The following SPDYE10 variants were observed in gnomAD, a reference collection of about 807,000 sequenced individuals.
SPDYE10 encodes the protein speedy/RINGO cell cycle regulator family member E10, also known as speedy protein E10.
the SPDYE10 span, among the ~76,000 whole-genome samples, chr7:73,149,015 C>CT: frequency 6.6e-6 from 1 of 151,340 alleles, no homozygotes; most frequent in East Asian, 1.9e-4. Context: ...GGTTCTCACT[C>CT]TGTCACCCAG....
the SPDYE10 span, among the ~76,000 whole-genome samples, chr7:73,138,155 T>C: frequency 0.18 from 23,044 of 127,790 alleles, 23 homozygotes; most frequent in African/African-American, 0.33. Context: ...TTTAGGCCAC[T>C]TGACAAACAC....
the SPDYE10 span, among the ~76,000 whole-genome samples, chr7:73,116,974 T>C: frequency 7.9e-5 from 12 of 151,920 alleles, no homozygotes; most frequent in African/African-American, 2.4e-4. Flanking sequence ...CGTCTCACTA[T>C]AACCTCCACC....
At chr7:73,141,081 C>T in the SPDYE10 span, among the ~76,000 whole-genome samples, 1 of 149,132 alleles carries the variant, frequency 6.7e-6, no homozygotes, top group Non-Finnish European at 1.5e-5. Flanking sequence ...CACACACACA[C>T]ACACACACAC....
chr7:73,118,150 CAAAAAAAAA>C, the SPDYE10 span, among the ~76,000 whole-genome samples: 1 of 6,206 alleles, frequency 1.6e-4, no homozygotes, highest in Non-Finnish European at 2.5e-4. Context: ...GACTCTCTGT[CAAAAAAAAA>C]AAAAAAAAAA....
the SPDYE10 span, among the ~76,000 whole-genome samples, chr7:73,123,788 C>CCTCTCCCTCTCTCTCT: frequency 1.0e-5 from 1 of 97,458 alleles, no homozygotes. Flanking sequence ...TCTCTCTCTC[C>CCTCTCCCTCTCTCTCT]CTCTCTCTCT....
the SPDYE10 span, among the ~76,000 whole-genome samples, chr7:73,154,375 T>C: frequency 3.5e-4 from 51 of 147,628 alleles, no homozygotes; most frequent in Non-Finnish European, 3.0e-4. Flanking sequence ...TTCCTGCAGC[T>C]TGGAAGGCCT....
the SPDYE10 span, among the ~76,000 whole-genome samples, chr7:73,142,980 GAGGAAGGAAGGAAGGA>G: frequency 3.9e-3 from 365 of 93,654 alleles, no homozygotes; most frequent in Middle Eastern, 0.013. Context: ...GGGAGGGAGG[GAGGAAGGAAGGAAGGA>G]AGGAAGGAAG....
At chr7:73,137,701 G>A in the SPDYE10 span, among the ~76,000 whole-genome samples, 6 of 46,408 alleles carry the variant, frequency 1.3e-4, no homozygotes, top group African/African-American at 6.0e-4. Flanking sequence ...GAGGGGAAGG[G>A]AAAGGGAGGG....
At chr7:73,113,820 G>T in the SPDYE10 span, among the ~76,000 whole-genome samples, 2 of 151,994 alleles carry the variant, frequency 1.3e-5, no homozygotes, top group African/African-American at 4.8e-5. Flanking sequence ...TGGATCACGA[G>T]ATCAGGAGAT....
At chr7:73,149,461 G>C in the SPDYE10 span, among the ~76,000 whole-genome samples, 2 of 140,788 alleles carry the variant, frequency 1.4e-5, no homozygotes, top group Non-Finnish European at 3.1e-5. Flanking sequence ...CTAATTTTTT[G>C]TATTTTCAGT....
the SPDYE10 span, among the ~76,000 whole-genome samples, chr7:73,146,856 AT>A: frequency 1.1e-5 from 1 of 93,136 alleles, no homozygotes; most frequent in Admixed American, 1.3e-4. Flanking sequence ...TATAATCAAT[AT>A]TTTTAAATTA....
At chr7:73,150,907 A>AAT in the SPDYE10 span, among the ~76,000 whole-genome samples, 1 of 11,576 alleles carries the variant, frequency 8.6e-5, no homozygotes, top group Non-Finnish European at 1.4e-4. Flanking sequence ...AAAAAAAAAA[A>AAT]ATATATATAT....
chr7:73,120,853 CAG>C, the SPDYE10 span, among the ~76,000 whole-genome samples: 6 of 149,958 alleles, frequency 4.0e-5, no homozygotes, highest in Non-Finnish European at 5.9e-5. Context: ...TTTTTTGAGA[CAG>C]AGTTTCACTG....
the SPDYE10 span, among the ~76,000 whole-genome samples, chr7:73,137,632 A>C: frequency 7.4e-6 from 1 of 135,582 alleles, no homozygotes; most frequent in Non-Finnish European, 1.6e-5. Context: ...GAAAGAAAGA[A>C]AGAAAGAAAG....
chr7:73,137,593 TGAAAGAAAGAAAGAAAGAAAGAAA>T, the SPDYE10 span, among the ~76,000 whole-genome samples: 22 of 70,544 alleles, frequency 3.1e-4, no homozygotes, highest in African/African-American at 1.4e-3. Context: ...AAAGAAGAGA[TGAAAGAAAGAAAGAAAGAAAGAAA>T]GAAAGAAAGA....
At chr7:73,127,410 T>A in the SPDYE10 span, among the ~76,000 whole-genome samples, 1 of 119,076 alleles carries the variant, frequency 8.4e-6, no homozygotes. Flanking sequence ...AAAAAAAAAA[T>A]TAGCCAGGCA....
chr7:73,135,528 T>TA, the SPDYE10 span, among the ~76,000 whole-genome samples: 330 of 131,606 alleles, frequency 2.5e-3, no homozygotes, highest in African/African-American at 8.5e-3. Context: ...TTCTTTCTTT[T>TA]CTTTTTTTTT....
the SPDYE10 span, among the ~76,000 whole-genome samples, chr7:73,121,196 ACT>A: frequency 6.9e-6 from 1 of 145,262 alleles, no homozygotes; most frequent in East Asian, 2.0e-4. Context: ...CCTTCCAACA[ACT>A]CTATAGGGTG....
At chr7:73,115,257 C>T in the SPDYE10 span, among the ~76,000 whole-genome samples, 1 of 152,158 alleles carries the variant, frequency 6.6e-6, no homozygotes, top group Non-Finnish European at 1.5e-5. Context: ...ACTCTCTCTA[C>T]ATCCTGATGC....
Sources: allele counts gnomAD v4.1 joint callset (sites outside exome capture counted in the v4.1 genomes callset), GRCh38; gene constraint gnomAD v4.1.1; transcripts MANE v1.5; gene names NCBI Gene and HGNC (gene_info 2026-07-23, HGNC 2026-07-21).